KCNMA1: variants seen among roughly 807,000 people sequenced by gnomAD.
KCNMA1 encodes Calcium-activated potassium channel subunit alpha-1.
Under a neutral mutation model 140.0 loss-of-function variants are expected in KCNMA1, and 29 were observed. The ratio of observed to expected loss-of-function variants is 0.21; its 90% CI spans 0.15 to 0.28. KCNMA1 has a LOEUF of 0.28. Among genes scored for constraint, KCNMA1 ranks in the 10% least tolerant of loss-of-function variants. KCNMA1 has a pLI of 1.00. For missense variants in KCNMA1, 880 were observed against 1,602.2 expected (o/e 0.55, Z 7.70); for synonymous variants, 612 against 611.9 (o/e 1.00, Z 0.00).
chr10:77,432,028 G>T (rs2097166274), intron 1 of KCNMA1, among the ~76,000 whole-genome samples: 1 of 152,012 alleles, frequency 6.6e-6, no homozygotes, highest in Non-Finnish European at 1.5e-5. Flanking sequence ...GGGTGTGGAG[G>T]TTGGGATGCT....
At chr10:77,100,600 G>A (rs937492704) in intron 9 of KCNMA1, among the ~76,000 whole-genome samples, 3 of 152,146 alleles carry the variant, frequency 2.0e-5, no homozygotes, top group Non-Finnish European at 4.4e-5. Flanking sequence ...AAAGTTTCCT[G>A]GTTTAGTTTC....
intron 1 of KCNMA1, among the ~76,000 whole-genome samples, chr10:77,477,804 G>A (rs1177109582): frequency 6.6e-6 from 1 of 152,144 alleles, no homozygotes; most frequent in East Asian, 1.9e-4. Context: ...AGTTCTTAGA[G>A]CCAGCAAAGC....
chr10:77,504,607 A>G (rs900491374), intron 1 of KCNMA1, among the ~76,000 whole-genome samples: 1 of 152,088 alleles, frequency 6.6e-6, no homozygotes, highest in Non-Finnish European at 1.5e-5. Context: ...TTATATTTTT[A>G]GAGACAGGGT....
chr10:77,362,359 C>G (rs1217942895), intron 2 of KCNMA1, among the ~76,000 whole-genome samples: 3 of 86,002 alleles, frequency 3.5e-5, no homozygotes, highest in African/African-American at 4.9e-5. Context: ...CCCCACCCCC[C>G]CCACCCCACA....
intron 14 of KCNMA1, among the ~76,000 whole-genome samples, chr10:77,052,521 C>T (rs970549527): frequency 2.0e-5 from 3 of 151,912 alleles, no homozygotes; most frequent in African/African-American, 7.3e-5. Flanking sequence ...CTGTCGTTCT[C>T]CTTCCTATCA....
At chr10:77,236,041 G>T (rs1026212586) in intron 3 of KCNMA1, among the ~76,000 whole-genome samples, 1 of 152,116 alleles carries the variant, frequency 6.6e-6, no homozygotes, top group Non-Finnish European at 1.5e-5. Context: ...TGGGTTACAT[G>T]GTATCCATCC....
At chr10:76,904,313 G>A (rs1032151079) in intron 25 of KCNMA1, 1 of 152,172 alleles carries the variant, frequency 6.6e-6, no homozygotes, top group Non-Finnish European at 1.5e-5. Context: ...GCAAACTCCT[G>A]CCCTGGGCAT....
chr10:77,285,311 A>G (rs1359585126), intron 2 of KCNMA1, among the ~76,000 whole-genome samples: 1 of 151,986 alleles, frequency 6.6e-6, no homozygotes, highest in African/African-American at 2.4e-5. Flanking sequence ...TTTTTTTTTA[A>G]TCTTCGTATC....
chr10:77,489,077 A>G (rs1371938334), intron 1 of KCNMA1, among the ~76,000 whole-genome samples: 4 of 152,128 alleles, frequency 2.6e-5, no homozygotes, highest in African/African-American at 9.7e-5. Context: ...AGCCTCAGAC[A>G]GGGGTAGATG....
At chr10:77,499,187 G>T (rs969466803) in intron 1 of KCNMA1, among the ~76,000 whole-genome samples, 1 of 152,128 alleles carries the variant, frequency 6.6e-6, no homozygotes. Flanking sequence ...GATGTGTTAT[G>T]AAGGGCACAT....
At chr10:77,118,258 G>A (rs967537064) in intron 6 of KCNMA1, among the ~76,000 whole-genome samples, 9 of 152,114 alleles carry the variant, frequency 5.9e-5, no homozygotes, top group Admixed American at 1.3e-4. Context: ...CAGGAGAATC[G>A]CTCAAAAGTC....
chr10:77,637,533 T>C lies in KCNMA1; in HGVS notation c.110A>G (p.Asp37Gly). The C allele has an allele frequency of 6.5e-7, 1 of 1,549,628 alleles. No individual in the cohort carries two copies. Among genetic ancestry groups the C allele is most frequent in the Non-Finnish European group, 8.8e-7 (1 of 1,141,724 alleles). Residue 37 changes from aspartate (D) to glycine (G), a missense_variant, in exon 1 of 28, where the codon GAC becomes GGC. Asp to Gly is a moderately conservative substitution (Grantham distance 94). This residue lies in a region of KCNMA1 where 94 missense variants were observed against 92.4 expected (regional missense o/e 1.02). Coordinates refer to ENST00000286628, the MANE Select transcript of KCNMA1 (RefSeq NM_001161352.2). ...GGAGGAGGAGGAGGAGGAGGACGCG[T>C]CTAGGCTGAGATGGTTCGCGTGGAT... The part of the protein sequence containing the change: ...SNIHANHLSL[D>G]ASSSSSSSSS...
chr10:77,579,348 A>G (rs944170772), intron 1 of KCNMA1, among the ~76,000 whole-genome samples: 2 of 152,220 alleles, frequency 1.3e-5, no homozygotes, highest in African/African-American at 4.8e-5. Context: ...CCTACAGCTC[A>G]GGTGTGGGCA....
chr10:77,324,123 A>T (rs949489349), intron 2 of KCNMA1, among the ~76,000 whole-genome samples: 1 of 152,202 alleles, frequency 6.6e-6, no homozygotes, highest in African/African-American at 2.4e-5. Context: ...CTTCATTGCA[A>T]GCCACTGTGG....
At chr10:77,112,952 C>G (rs1366261895) in intron 6 of KCNMA1, among the ~76,000 whole-genome samples, 1 of 152,132 alleles carries the variant, frequency 6.6e-6, no homozygotes, top group African/African-American at 2.4e-5. Context: ...CATTGCACAG[C>G]ATAATCACAA....
chr10:77,541,230 A>T (rs1603634470), intron 1 of KCNMA1, among the ~76,000 whole-genome samples: 1 of 152,284 alleles, frequency 6.6e-6, no homozygotes, highest in East Asian at 1.9e-4. Flanking sequence ...AAAGACAGAG[A>T]TTATCAAACC....
chr10:77,236,147 G>A (rs990536388), intron 3 of KCNMA1, among the ~76,000 whole-genome samples: 11 of 152,116 alleles, frequency 7.2e-5, no homozygotes, highest in Admixed American at 1.3e-4. Context: ...TCCGAGGCCC[G>A]GGCGAACTTT....
intron 20 of KCNMA1, among the ~76,000 whole-genome samples, chr10:76,956,920 T>C (rs1171002354): frequency 6.6e-6 from 1 of 151,786 alleles, no homozygotes; most frequent in Non-Finnish European, 1.5e-5. Context: ...CAGGAGATCG[T>C]GTCCATCCTG....
At chr10:77,027,150 G>A (rs1291354840) in intron 16 of KCNMA1, among the ~76,000 whole-genome samples, 1 of 152,132 alleles carries the variant, frequency 6.6e-6, no homozygotes. Flanking sequence ...AAAATTTCTT[G>A]TTAGCACGAT....
Sources: gnomAD v4.1 joint callset for allele counts (sites outside exome capture counted in the v4.1 genomes callset) on GRCh38, gnomAD v4.1.1 for gene constraint, gnomAD v4.1.1 regional missense constraint, MANE v1.5 for transcripts, NCBI Gene and HGNC (gene_info 2026-07-23, HGNC 2026-07-21) for gene names.